Variants in NLRP11 observed in about 807,000 individuals in gnomAD.
NLRP11 encodes NLR family pyrin domain containing 11.
Under a neutral mutation model 79.3 loss-of-function variants are expected in NLRP11, and 53 were observed. The observed-to-expected ratio is 0.67, with a 90% CI of 0.54 to 0.84. The LOEUF (loss-of-function observed/expected upper bound fraction) is 0.84. Among genes scored for constraint, NLRP11 ranks in the 40% least tolerant of loss-of-function variants. The pLI is 0.00. For missense variants in NLRP11, 1,264 were observed against 1,255.0 expected, an observed-to-expected ratio of 1.01 and a Z score of -0.11; for synonymous variants, 518 against 462.6, an observed-to-expected ratio of 1.12 and a Z score of -1.54.
chr19:55,814,272 G>A (rs188672438), intron 2 of NLRP11, among the ~76,000 whole-genome samples: 4 of 152,254 alleles, frequency 2.6e-5, no homozygotes, highest in African/African-American at 9.6e-5. Flanking sequence ...ACTGTCTAGT[G>A]GCAGGAAAAT....
At chr19:55,794,587 CGT>C (rs1430978240) in intron 6 of NLRP11, among the ~76,000 whole-genome samples, 2 of 151,982 alleles carry the variant, frequency 1.3e-5, no homozygotes, top group Non-Finnish European at 2.9e-5. Flanking sequence ...GGTGAAACCC[CGT>C]CTCTACTAAA....
intron 2 of NLRP11, among the ~76,000 whole-genome samples, chr19:55,815,832 T>C (rs956118985): frequency 3.3e-5 from 5 of 152,174 alleles, no homozygotes; most frequent in African/African-American, 1.2e-4. Context: ...AAATGAATTA[T>C]TCATCACATC....
upstream of NLRP11, among the ~76,000 whole-genome samples, chr19:55,833,834 A>C (rs1983012946): frequency 6.6e-6 from 1 of 151,496 alleles, no homozygotes; most frequent in African/African-American, 2.4e-5. Context: ...TGAAAAAAAC[A>C]TAGAACCCAG....
chr19:55,807,963 T>C, exon 4 of NLRP11: 1 of 1,612,434 alleles, frequency 6.2e-7, no homozygotes. Context: ...GGCTCTCCAT[T>C]GTATAAAAAA....
intron 1 of NLRP11, among the ~76,000 whole-genome samples, chr19:55,824,305 A>C (rs1982097784): frequency 6.7e-6 from 1 of 149,700 alleles, no homozygotes; most frequent in East Asian, 2.0e-4. Context: ...GCCGCTGCAA[A>C]ATCATGCCAA....
intron 1 of NLRP11, among the ~76,000 whole-genome samples, chr19:55,821,972 T>G (rs1981785215): frequency 6.6e-6 from 1 of 152,210 alleles, no homozygotes; most frequent in African/African-American, 2.4e-5. Flanking sequence ...AAGATTGCCT[T>G]AGTCAGCTGG....
chr19:55,791,878 A>T (rs533835954), intron 7 of NLRP11, among the ~76,000 whole-genome samples: 8 of 152,124 alleles, frequency 5.3e-5, no homozygotes, highest in African/African-American at 1.9e-4. Flanking sequence ...ACCTCCCCCA[A>T]TGCATCCCTT....
At position 55,812,454 on chromosome 19, in the gene NLRP11, A is replaced by G. The variant is rs1305124532; in HGVS notation, c.272-2116T>C. ...TGATACAATATCAAAGGACCAGTAT[A>G]AAATACGTGTAATTACAGTCCCAAA... is the stretch of plus-strand genomic sequence containing the variant. On this transcript the variant is annotated intron_variant, in intron 2 of 9. Transcript: ENST00000589093. 2.0e-5 allele frequency among the ~76,000 whole-genome samples: 3 copies of G among 152,224 alleles called. No individual in the cohort carries two copies. In the East Asian group the frequency reaches 5.8e-4, roughly 29 times the overall value.
rs963834049 is a variant in NLRP11 at position 55,787,117 on chromosome 19, G to A, written c.2856-1246C>T. ...CCTGTATTTTATTAATGGGTCATCC[G>A]GATGCTTATACTTAGTCTCTAATTG... is the stretch of plus-strand genomic sequence containing the variant. On this transcript the variant is annotated intron_variant, in intron 9 of 9. Coordinates refer to ENST00000589093, the Ensembl canonical transcript of NLRP11. Among the ~76,000 whole-genome samples, 9 of 152,136 alleles carry A rather than the reference G, an allele frequency of 5.9e-5. No homozygotes were observed. In the East Asian group the frequency reaches 1.3e-3, roughly 23 times the overall value.
exon 10 of NLRP11, chr19:55,785,804 T>A: frequency 1.2e-6 from 2 of 1,614,096 alleles, no homozygotes; most frequent in Non-Finnish European, 8.5e-7. Context: ...AAGATCAAAC[T>A]GGGTTTTCTT....
chr19:55,810,293 A>C (rs757877332), exon 3 of NLRP11: 1 of 1,613,672 alleles, frequency 6.2e-7, no homozygotes, highest in South Asian at 1.1e-5. Context: ...TTCCCATTGC[A>C]GCATGAATTT....
At chr19:55,795,632 G>A (rs926468861) in intron 6 of NLRP11, among the ~76,000 whole-genome samples, 3 of 152,104 alleles carry the variant, frequency 2.0e-5, no homozygotes, top group African/African-American at 7.2e-5. Flanking sequence ...TGGGACTACA[G>A]GTACCCGCCA....
At chr19:55,813,748 G>A (rs890918991) in intron 2 of NLRP11, among the ~76,000 whole-genome samples, 1 of 152,080 alleles carries the variant, frequency 6.6e-6, no homozygotes, top group African/African-American at 2.4e-5. Flanking sequence ...CTGGGCAGAG[G>A]AGGAGGGGAA....
intron 1 of NLRP11, among the ~76,000 whole-genome samples, chr19:55,830,357 T>C (rs756441511): frequency 5.9e-5 from 9 of 152,216 alleles, no homozygotes; most frequent in Non-Finnish European, 1.3e-4. Flanking sequence ...TCTAGTGATA[T>C]GTTTGTCTAA....
At chr19:55,798,825 T>G (rs555858824) in intron 5 of NLRP11, among the ~76,000 whole-genome samples, 1 of 152,122 alleles carries the variant, frequency 6.6e-6, no homozygotes, top group East Asian at 1.9e-4. Flanking sequence ...CTCTTTTCCA[T>G]GTAGCAAGCA....
intron 1 of NLRP11, among the ~76,000 whole-genome samples, chr19:55,828,566 C>A (rs1421148014): frequency 6.6e-6 from 1 of 152,104 alleles, no homozygotes; most frequent in Non-Finnish European, 1.5e-5. Context: ...ACTGCAGCCC[C>A]AATTAAGTAT....
chr19:55,789,287 C>T (rs760762458), exon 8 of NLRP11: 1 of 1,614,154 alleles, frequency 6.2e-7, no homozygotes, highest in Non-Finnish European at 8.5e-7. Context: ...AGCTGCATTC[C>T]TGCATCTTCT....
In NLRP11 at chr19:55,785,839, T is replaced by TG; in HGVS notation, c.2887dup (p.Gln963ProfsTer19). On this transcript the variant is annotated frameshift_variant, in exon 10 of 10. Coordinates refer to ENST00000589093, the Ensembl canonical transcript of NLRP11. LOFTEE classifies it low-confidence loss of function (END_TRUNC). ...TTCCTTTACAGTCATCAGCAACTGC[T>TG]GGGTTTGTGTGTTCAGGCCAGTTAA... 2 of 1,614,144 alleles carry TG rather than the reference T, an allele frequency of 1.2e-6. No homozygotes were observed. Among genetic ancestry groups the TG allele is most frequent in the Non-Finnish European group, 1.7e-6 (2 of 1,179,990 alleles).
In NLRP11 at chr19:55,809,480, G is replaced by C. The variant is rs201072112; in HGVS notation, c.1130C>G (p.Ala377Gly). The change falls in exon 3 of 10, where the codon GCG becomes GGG. Residue 377 changes from alanine (A) to glycine (G), a missense_variant. Coordinates refer to ENST00000589093, the Ensembl canonical transcript of NLRP11. The surrounding 1 kb of genome is among the most constrained non-coding windows in gnomAD (Gnocchi z 4.5). Reference sequence around the variant, plus strand: ...AGTAAGTCCAGCCTCTGATGTCAACGCATCAGCAAGAAAGTGGGCATGTAG... The same window carrying C: ...AGTAAGTCCAGCCTCTGATGTCAACCCATCAGCAAGAAAGTGGGCATGTAG... The C allele has an allele frequency of 6.2e-7, 1 of 1,614,106 alleles. No individual in the cohort carries two copies. Among genetic ancestry groups the C allele is most frequent in the South Asian group, 1.1e-5 (1 of 91,082 alleles).
Sources: allele counts gnomAD v4.1 joint callset (sites outside exome capture counted in the v4.1 genomes callset), GRCh38; gene constraint gnomAD v4.1.1; non-coding constraint Gnocchi (gnomAD v3.1); transcripts MANE v1.5; gene names NCBI Gene and HGNC (gene_info 2026-07-23, HGNC 2026-07-21).